Variants in DAB1 observed in about 807,000 individuals in gnomAD.
The protein encoded by DAB1 is disabled homolog 1.
DAB1 carries 15 observed loss-of-function variants against 64.6 expected under a neutral mutation model. That is an observed-to-expected ratio of 0.23 (90% CI 0.16 to 0.36). The LOEUF (loss-of-function observed/expected upper bound fraction) is 0.36, where lower values mean the gene tolerates loss of function less well. Ranked by LOEUF, DAB1 falls within the 10% of genes least tolerant of loss-of-function variation. The pLI is 1.00. For missense variants in DAB1, 596 were observed against 706.7 expected, an observed-to-expected ratio of 0.84 and a Z score of 1.78; for synonymous variants, 235 against 251.9, an observed-to-expected ratio of 0.93 and a Z score of 0.64.
At chr1:58,139,346 A>C (rs984185704) in intron 5 of DAB1, among the ~76,000 whole-genome samples, 1 of 152,170 alleles carries the variant, frequency 6.6e-6, no homozygotes, top group Non-Finnish European at 1.5e-5. Flanking sequence ...AGCAATTTAT[A>C]AAGGAAAGAG....
At chr1:58,130,286 CT>C (rs367615810) in intron 5 of DAB1, among the ~76,000 whole-genome samples, 24,390 of 136,058 alleles carry the variant, frequency 0.18, 1,811 homozygotes, top group East Asian at 0.32. Context: ...CAACCCCTGC[CT>C]TTTTTTGTTT....
At position 57,634,806 on chromosome 1, in the gene DAB1, T is replaced by A. The variant is rs536367734; in HGVS notation, n.625+14786A>T. 3.3e-5 allele frequency among the ~76,000 whole-genome samples: 5 copies of A among 152,280 alleles called. No individual in the cohort carries two copies. In the East Asian group the frequency reaches 9.7e-4, roughly 29 times the overall value. On this transcript the variant is annotated intron_variant and non_coding_transcript_variant, in intron 7 of 20. Transcript: ENST00000485760. ...GAAAAGAGGAATAAACAAATAAATA[T>A]ATAATGGTGGTGAAAATGTTTTAGA...
chr1:57,096,791 T>A (rs1654208553), intron 4 of DAB1, among the ~76,000 whole-genome samples: 1 of 152,368 alleles, frequency 6.6e-6, no homozygotes, highest in Admixed American at 6.5e-5. Flanking sequence ...TCCACATGCC[T>A]AGAGTACTTA....
chr1:57,018,353 G>A (rs1033308584), intron 11 of DAB1, among the ~76,000 whole-genome samples: 3 of 152,060 alleles, frequency 2.0e-5, no homozygotes, highest in African/African-American at 4.8e-5. Flanking sequence ...CTACTTACAG[G>A]TATATACATC....
At chr1:57,949,369 C>T (rs1008544548) in intron 5 of DAB1, among the ~76,000 whole-genome samples, 3 of 152,174 alleles carry the variant, frequency 2.0e-5, no homozygotes, top group African/African-American at 7.2e-5. Context: ...CAGGCTCTCA[C>T]CTCCTGCTGG....
chr1:57,263,195 A>C (rs1037045558), intron 2 of DAB1, among the ~76,000 whole-genome samples: 3 of 151,374 alleles, frequency 2.0e-5, no homozygotes, highest in Middle Eastern at 3.2e-3. Flanking sequence ...GGCTCACTGC[A>C]TCCTCTGCCT....
chr1:57,833,856 G>T (rs1469175386), intron 1 of DAB1, among the ~76,000 whole-genome samples: 1 of 152,160 alleles, frequency 6.6e-6, no homozygotes, highest in Non-Finnish European at 1.5e-5. Context: ...TTTTAGCTAT[G>T]GTTTAACACA....
intron 1 of DAB1, among the ~76,000 whole-genome samples, chr1:57,337,878 CTCCCTTCCCTTCCCT>C (rs755714868): frequency 1.5e-5 from 1 of 65,968 alleles, no homozygotes; most frequent in African/African-American, 4.7e-5. Context: ...CTCCCCTCCC[CTCCCTTCCCTTCCCT>C]TCCCTTCCCT....
At chr1:57,709,836 C>T (rs1313767955) in intron 6 of DAB1, among the ~76,000 whole-genome samples, 1 of 152,060 alleles carries the variant, frequency 6.6e-6, no homozygotes, top group Non-Finnish European at 1.5e-5. Flanking sequence ...CCTTATTGTA[C>T]AGGTGGTGAC....
At chr1:57,960,762 A>T (rs969845447) in intron 5 of DAB1, among the ~76,000 whole-genome samples, 2 of 152,204 alleles carry the variant, frequency 1.3e-5, no homozygotes, top group African/African-American at 4.8e-5. Flanking sequence ...GGAGCAATTA[A>T]TTCCTTCAAT....
chr1:57,380,771 A>G (rs888550725), intron 1 of DAB1, among the ~76,000 whole-genome samples: 1 of 152,202 alleles, frequency 6.6e-6, no homozygotes, highest in African/African-American at 2.4e-5. Flanking sequence ...CAGAGGAGGT[A>G]GCCTTTGATT....
chr1:58,489,502 C>T (rs1287943063), intron 3 of DAB1, among the ~76,000 whole-genome samples: 3 of 152,040 alleles, frequency 2.0e-5, no homozygotes, highest in African/African-American at 7.3e-5. Context: ...CCTGTGTAGA[C>T]TCCACCTCTG....
intron 7 of DAB1, among the ~76,000 whole-genome samples, chr1:57,452,958 CAGAA>C (rs983315757): frequency 1.5e-4 from 21 of 144,198 alleles, no homozygotes; most frequent in African/African-American, 4.6e-4. Flanking sequence ...GGGAGGAAGA[CAGAA>C]AGGAAGAAAA....
intron 8 of DAB1, among the ~76,000 whole-genome samples, chr1:57,065,193 C>T (rs1650781533): frequency 1.3e-5 from 2 of 152,192 alleles, no homozygotes; most frequent in African/African-American, 4.8e-5. Flanking sequence ...AGATTTATCT[C>T]AGCTGGGATA....
intron 4 of DAB1, among the ~76,000 whole-genome samples, chr1:57,099,169 G>A (rs752648460): frequency 2.6e-5 from 4 of 152,186 alleles, no homozygotes; most frequent in Non-Finnish European, 4.4e-5. Flanking sequence ...GTTGAGTGCT[G>A]AGGGTACACA....
chr1:57,395,947 C>T (rs1682773279), intron 1 of DAB1, among the ~76,000 whole-genome samples: 4 of 152,106 alleles, frequency 2.6e-5, no homozygotes, highest in Admixed American at 1.3e-4. Context: ...GCAAATATAG[C>T]AGAGAAAAGA....
intron 1 of DAB1, among the ~76,000 whole-genome samples, chr1:57,375,805 C>A (rs1680849173): frequency 6.6e-6 from 1 of 152,186 alleles, no homozygotes; most frequent in Non-Finnish European, 1.5e-5. Flanking sequence ...TCCTTAGAAT[C>A]TAATACAGTG....
At chr1:58,275,391 CA>C (rs1354337779) in intron 4 of DAB1, among the ~76,000 whole-genome samples, 2 of 152,050 alleles carry the variant, frequency 1.3e-5, no homozygotes, top group African/African-American at 4.8e-5. Context: ...AGTGAAAAGG[CA>C]AACTTTTGGG....
intron 5 of DAB1, among the ~76,000 whole-genome samples, chr1:57,912,028 C>T (rs972864841): frequency 3.3e-5 from 5 of 152,180 alleles, no homozygotes; most frequent in African/African-American, 4.8e-5. Context: ...ATACGTCCAG[C>T]GCACTAAAGC....
Sources: gnomAD v4.1 joint callset for allele counts (sites outside exome capture counted in the v4.1 genomes callset) on GRCh38, gnomAD v4.1.1 for gene constraint, MANE v1.5 for transcripts, NCBI Gene and HGNC (gene_info 2026-07-23, HGNC 2026-07-21) for gene names.